PHTF2: variants seen among roughly 807,000 people sequenced by gnomAD.
PHTF2 encodes the protein putative homeodomain transcription factor 2.
PHTF2 carries 60 observed loss-of-function variants against 101.2 expected under a neutral mutation model. The ratio of observed to expected loss-of-function variants is 0.59; its 90% CI spans 0.48 to 0.73. PHTF2 has a LOEUF of 0.73. PHTF2 is among the 30% of genes least tolerant of loss of function. The pLI is 0.00. For missense variants in PHTF2, 747 were observed against 908.7 expected (o/e 0.82, Z 2.29); for synonymous variants, 311 against 307.3 (o/e 1.01, Z -0.13).
intron 3 of PHTF2, among the ~76,000 whole-genome samples, chr7:77,873,315 C>G: frequency 6.6e-6 from 1 of 152,210 alleles, no homozygotes; most frequent in East Asian, 1.9e-4. Flanking sequence ...CTTGATCCAA[C>G]TCTGTGTTCC....
chr7:77,887,876 A>G (rs1350979432), intron 3 of PHTF2, among the ~76,000 whole-genome samples: 1 of 152,232 alleles, frequency 6.6e-6, no homozygotes, highest in African/African-American at 2.4e-5. Flanking sequence ...GCCAAGCACC[A>G]GAGAAAGGAC....
At chr7:77,842,574 A>C (rs1371270206) in intron 2 of PHTF2, among the ~76,000 whole-genome samples, 21 of 152,174 alleles carry the variant, frequency 1.4e-4, no homozygotes. Flanking sequence ...AGCAGCCTGC[A>C]ATACTATCCA....
chr7:77,908,805 T>A, exon 8 of PHTF2: 1 of 1,600,632 alleles, frequency 6.2e-7, no homozygotes, highest in Non-Finnish European at 8.5e-7. Flanking sequence ...GCTGCAATAG[T>A]ATTATTCTGC....
chr7:77,831,423 C>T (rs1190743520), intron 1 of PHTF2, among the ~76,000 whole-genome samples: 5 of 152,176 alleles, frequency 3.3e-5, no homozygotes, highest in Admixed American at 2.0e-4. Context: ...GGAGAGGCTG[C>T]AGTTCAGAAG....
chr7:77,915,744 G>C (rs904542333), intron 9 of PHTF2, among the ~76,000 whole-genome samples: 2 of 152,084 alleles, frequency 1.3e-5, no homozygotes, highest in Non-Finnish European at 2.9e-5. Flanking sequence ...TCCTTGCCAA[G>C]GGTGTTGCTA....
chr7:77,857,031 C>T (rs954198631), intron 3 of PHTF2, among the ~76,000 whole-genome samples: 1 of 152,166 alleles, frequency 6.6e-6, no homozygotes, highest in Non-Finnish European at 1.5e-5. Context: ...GTTTTTGCTA[C>T]TAATACTCTT....
intron 1 of PHTF2, among the ~76,000 whole-genome samples, chr7:77,809,402 T>A (rs1793253829): frequency 6.6e-6 from 1 of 151,960 alleles, no homozygotes; most frequent in African/African-American, 2.4e-5. Flanking sequence ...AATTTTTGTA[T>A]TTTTAGTAGA....
intron 7 of PHTF2, chr7:77,906,559 A>T (rs1473692705): frequency 6.6e-6 from 1 of 152,188 alleles, no homozygotes; most frequent in Non-Finnish European, 1.5e-5. Context: ...CAGCCCTAGG[A>T]TTACAGAGAA....
intron 7 of PHTF2, among the ~76,000 whole-genome samples, chr7:77,904,061 A>T (rs1801635305): frequency 6.6e-6 from 1 of 152,090 alleles, no homozygotes; most frequent in Non-Finnish European, 1.5e-5. Flanking sequence ...ATCATCTTCT[A>T]CTTTCTGTCC....
chr7:77,815,112 A>G (rs575459148), intron 1 of PHTF2, among the ~76,000 whole-genome samples: 1 of 152,156 alleles, frequency 6.6e-6, no homozygotes, highest in East Asian at 1.9e-4. Context: ...ATCCCAACAA[A>G]AAGAAAAAAA....
intron 11 of PHTF2, among the ~76,000 whole-genome samples, chr7:77,927,157 CAAAAAAA>C (rs869210694): frequency 0.034 from 1,257 of 36,488 alleles, 32 homozygotes; most frequent in African/African-American, 0.086. Flanking sequence ...GACTCCATCT[CAAAAAAA>C]AAAAAAAAAA....
intron 3 of PHTF2, among the ~76,000 whole-genome samples, chr7:77,881,637 CT>C (rs1309549764): frequency 6.6e-6 from 1 of 152,086 alleles, no homozygotes; most frequent in African/African-American, 2.4e-5. Context: ...TCCCAAAGTG[CT>C]GGGATTATAG....
chr7:77,870,486 T>TAGGCC (rs976451783), intron 3 of PHTF2, among the ~76,000 whole-genome samples: 2 of 152,134 alleles, frequency 1.3e-5, no homozygotes, highest in African/African-American at 4.8e-5. Flanking sequence ...GCTGGGAGGC[T>TAGGCC]AGGCCAGGCC....
intron 5 of PHTF2, among the ~76,000 whole-genome samples, chr7:77,897,950 G>T (rs1247020949): frequency 6.6e-6 from 1 of 150,786 alleles, no homozygotes; most frequent in Non-Finnish European, 1.5e-5. Context: ...TCAAAGTGCT[G>T]AGATTACAGG....
intron 12 of PHTF2, among the ~76,000 whole-genome samples, chr7:77,935,870 C>G (rs1234874468): frequency 1.3e-5 from 2 of 152,166 alleles, no homozygotes; most frequent in Non-Finnish European, 2.9e-5. Context: ...CTGTTTCTGG[C>G]TTTTTGGTTT....
intron 1 of PHTF2, among the ~76,000 whole-genome samples, chr7:77,822,606 G>T (rs1044633674): frequency 1.3e-5 from 2 of 152,142 alleles, no homozygotes; most frequent in Non-Finnish European, 2.9e-5. Context: ...GTGGGGGCTG[G>T]TAGGGATCTT....
intron 1 of PHTF2, among the ~76,000 whole-genome samples, chr7:77,824,259 GTTTTTT>G (rs761677558): frequency 1.4e-5 from 2 of 138,470 alleles, no homozygotes; most frequent in African/African-American, 5.3e-5. Flanking sequence ...ATCCTGGTTT[GTTTTTT>G]TTTTTTTTCT....
chr7:77,871,174 G>A (rs761339370), intron 3 of PHTF2, among the ~76,000 whole-genome samples: 7 of 152,044 alleles, frequency 4.6e-5, no homozygotes, highest in Non-Finnish European at 8.8e-5. Flanking sequence ...GAATGGTCTC[G>A]GGGTCATTTG....
chr7:77,856,019 G>T lies in PHTF2; in HGVS notation c.147+1185G>T, dbSNP rs1797151840. On this transcript the variant is annotated intron_variant, in intron 3 of 19. Coordinates refer to ENST00000416283, the Ensembl canonical transcript of PHTF2. ...GTTTGTTCAATTTGGTGTTTCTTCT[G>T]GTAGCATGATTGCTAGAGGTTTGTA... is the stretch of plus-strand genomic sequence containing the variant. Among the ~76,000 whole-genome samples the T allele has an allele frequency of 1.3e-5, 2 of 152,084 alleles. 1 individual carries two copies. Among genetic ancestry groups the T allele is most frequent in the South Asian group, 4.2e-4 (2 of 4,818 alleles).
Sources: gnomAD v4.1 joint callset for allele counts (sites outside exome capture counted in the v4.1 genomes callset) on GRCh38, gnomAD v4.1.1 for gene constraint, MANE v1.5 for transcripts, NCBI Gene and HGNC (gene_info 2026-07-23, HGNC 2026-07-21) for gene names.